The following ADSL variants were observed in gnomAD, a reference collection of about 807,000 sequenced individuals.
ADSL encodes adenylosuccinase.
Under a neutral mutation model 62.1 loss-of-function variants are expected in ADSL, and 44 were observed. That is an observed-to-expected ratio of 0.71 (90% CI 0.56 to 0.91). ADSL has a LOEUF of 0.91. ADSL is among the 40% of genes least tolerant of loss of function. The pLI is 0.00. For synonymous variants in ADSL, 198 were observed against 220.5 expected (o/e 0.90, Z 0.90); for missense variants, 531 against 627.4 (o/e 0.85, Z 1.64).
In ADSL at chr22:40,376,056, G is replaced by GA. The variant is rs375491013; in HGVS notation, c.89+9569dup. On this transcript the variant is annotated intron_variant, in intron 2 of 2. Coordinates refer to the ADSL transcript ENST00000498234. The stretch of plus-strand genomic sequence containing the variant: ...AGGGAGACCCTGTCTCAAAAAACTG[G>GA]AAAAAAAAAAACAAGATATGAAAGA... Among the ~76,000 whole-genome samples the GA allele has an allele frequency of 2.6e-3, 356 of 138,658 alleles. 1 individual carries two copies. The highest frequency in any genetic ancestry group is 3.8e-3 in the Middle Eastern group (1 of 264). The allele number at this position is 138,658 out of a possible 152,430, so 91.0% of individuals were successfully genotyped here.
chr22:40,386,907 A>G (rs1243851664), intron 2 of ADSL, among the ~76,000 whole-genome samples: 1 of 152,148 alleles, frequency 6.6e-6, no homozygotes, highest in Non-Finnish European at 1.5e-5. Context: ...CTCCTAATTT[A>G]TCTGTTTAAT....
intron 2 of ADSL, among the ~76,000 whole-genome samples, chr22:40,384,732 GAT>G (rs1277348481): frequency 1.3e-5 from 2 of 152,216 alleles, no homozygotes; most frequent in African/African-American, 4.8e-5. Context: ...AGTAAGCTGA[GAT>G]AGCGCCATTG....
intron 2 of ADSL, among the ~76,000 whole-genome samples, chr22:40,375,160 T>C (rs566282219): frequency 2.0e-5 from 3 of 152,352 alleles, no homozygotes; most frequent in Admixed American, 6.5e-5. Context: ...ATATTTCTGC[T>C]TTTTCTAAGT....
chr22:40,383,741 C>G (rs191991002), intron 2 of ADSL, among the ~76,000 whole-genome samples: 2 of 152,258 alleles, frequency 1.3e-5, no homozygotes, highest in Admixed American at 1.3e-4. Flanking sequence ...TCTATGGAAT[C>G]AGAGCTGTGC....
intron 2 of ADSL, among the ~76,000 whole-genome samples, chr22:40,386,037 G>GT (rs1056393605): frequency 1.2e-4 from 18 of 145,878 alleles, no homozygotes; most frequent in East Asian, 2.0e-4. Context: ...TTTTTTTTTT[G>GT]TTTTTTTTGT....
At chr22:40,353,213 C>T in intron 3 of ADSL, 96 bp downstream of exon 3, 2 of 938,754 alleles carry the variant, frequency 2.1e-6, no homozygotes, top group Non-Finnish European at 3.5e-6. Context: ...TAAATTTTTA[C>T]ATAGACTATC....
rs2045051459 is a variant in ADSL, at chr22:40,367,968, A to G, written c.*1446A>G. On this transcript the variant is annotated 3_prime_UTR_variant, in exon 13 of 13. Transcript: ENST00000623063. ...GTTGTCCAGTGCCCAAAAAGCCACC[A>G]GAGGCTTACTGCTCCGCACTCTTGG... 1 of 152,246 alleles carries G rather than the reference A, an allele frequency of 6.6e-6. No individual in the cohort carries two copies. The highest frequency in any genetic ancestry group is 1.5e-5 in the Non-Finnish European group (1 of 68,056). The allele number at this position is 152,246 out of a possible 1,614,324, so 9.4% of individuals were successfully genotyped here. A position where few individuals can be genotyped will look rare whatever the true frequency, so the allele number is the denominator to read the frequency against.
rs2044678451 is a variant in ADSL, at chr22:40,359,256, C to T, written c.655-4C>T. 1.2e-6 allele frequency: 2 copies of T among 1,613,976 alleles called. No homozygotes were observed. The highest frequency in any genetic ancestry group is 1.7e-6 in the Non-Finnish European group (2 of 1,179,954). ...ATTATAAGGATGTGTCTTTTCTTTC[C>T]AAGGTAGAGCAGCTTGACAAGATGG... On this transcript the variant is annotated splice_polypyrimidine_tract_variant and splice_region_variant and intron_variant, in intron 5 of 12. Coordinates refer to ENST00000623063, the MANE Select transcript of ADSL (RefSeq NM_000026.4).
intron 4 of ADSL, among the ~76,000 whole-genome samples, chr22:40,356,982 G>T (rs2044585550): frequency 3.9e-5 from 6 of 152,144 alleles, no homozygotes; most frequent in Admixed American, 3.9e-4. Context: ...TGCAGCCTCA[G>T]CTTCCCGGAT....
chr22:40,371,112 C>CT (rs2045365439), downstream of ADSL, among the ~76,000 whole-genome samples: 1 of 152,224 alleles, frequency 6.6e-6, no homozygotes, highest in African/African-American at 2.4e-5. Flanking sequence ...GCGGTTTTCC[C>CT]TTTAAGATTC....
Position 40,369,329 on chromosome 22 carries a change from C to G in ADSL, c.*2807C>G, listed in dbSNP as rs1442510622. ...TTTGTATTTACATACTTGTATGCAACTTTGTAATCTGATTTTCCCATGTAA... is the reference window on the plus strand; with the variant it reads ...TTTGTATTTACATACTTGTATGCAAGTTTGTAATCTGATTTTCCCATGTAA... On this transcript the variant is annotated 3_prime_UTR_variant, in exon 13 of 13. Transcript: ENST00000623063. The G allele has an allele frequency of 6.6e-6, 1 of 151,674 alleles. No homozygotes were observed. Among genetic ancestry groups the G allele is most frequent in the Non-Finnish European group, 1.5e-5 (1 of 67,964 alleles). 9.4% of individuals were successfully genotyped at this position (151,674 alleles called of 1,614,324 possible). A position where few individuals can be genotyped will look rare whatever the true frequency, so the allele number is the denominator to read the frequency against.
downstream of ADSL, among the ~76,000 whole-genome samples, chr22:40,373,953 A>T (rs1001659434): frequency 1.4e-5 from 2 of 144,006 alleles, no homozygotes; most frequent in African/African-American, 5.2e-5. Flanking sequence ...TATTTATTTT[A>T]TTTATTTATT....
intron 10 of ADSL, among the ~76,000 whole-genome samples, chr22:40,363,473 C>T (rs527812792): frequency 8.5e-5 from 13 of 152,266 alleles, no homozygotes; most frequent in African/African-American, 2.6e-4. Flanking sequence ...TGGTGGCTCA[C>T]GCCTGTAATT....
intron 2 of ADSL, among the ~76,000 whole-genome samples, chr22:40,351,430 C>A (rs577254316): frequency 3.9e-5 from 6 of 152,228 alleles, no homozygotes; most frequent in African/African-American, 1.2e-4. Flanking sequence ...CCTCAGCCCC[C>A]CAAAGTGCTG....
intron 5 of ADSL, 21 bp from the exon 6 acceptor site, chr22:40,359,239 G>C (rs1375231172): frequency 1.9e-6 from 3 of 1,613,572 alleles, no homozygotes; most frequent in Admixed American, 3.3e-5. Flanking sequence ...TTATTATAAG[G>C]ATGTGTCTTT....
chr22:40,382,212 A>C (rs984932817), intron 2 of ADSL, among the ~76,000 whole-genome samples: 9 of 152,202 alleles, frequency 5.9e-5, no homozygotes, highest in African/African-American at 1.9e-4. Flanking sequence ...AAATGGCATT[A>C]TGTTAACAGC....
rs1242511643 is a variant in ADSL at position 40,361,294 on chromosome 22, C to G, written c.814C>G (p.Leu272Val). Residue 272 changes from leucine (L) to valine (V), a missense_variant, in exon 8 of 13, where the codon CTG becomes GTG. Transcript: ENST00000623063. ...VHKICTDIRL[L>V]ANLKEMEEPF... ...CCAGATTTGCACCGACATACGCCTCCTGGCAAACCTCAAGGAGATGGAGGA... is the reference window on the plus strand; with the variant it reads ...CCAGATTTGCACCGACATACGCCTCGTGGCAAACCTCAAGGAGATGGAGGA... 2 of 1,614,078 alleles carry G rather than the reference C, an allele frequency of 1.2e-6. No homozygotes were observed. Among genetic ancestry groups the G allele is most frequent in the Non-Finnish European group, 1.7e-6 (2 of 1,180,048 alleles).
At position 40,361,603 on chromosome 22, in the gene ADSL, G is replaced by T. The variant is rs1224557562; in HGVS notation, c.978G>T (p.Trp326Cys). 6.2e-7 allele frequency: 1 copy of T among 1,614,050 alleles called. No individual in the cohort carries two copies. Among genetic ancestry groups the T allele is most frequent in the Non-Finnish European group, 8.5e-7 (1 of 1,180,052 alleles). ...CGCTACAGACAGCATCTGTCCAGTGGTTTGAACGCACACTGGATGATAGTG... is the reference window on the plus strand; with the variant it reads ...CGCTACAGACAGCATCTGTCCAGTGTTTTGAACGCACACTGGATGATAGTG... ...MDPLQTASVQ[W>C]FERTLDDSAN... is the part of the protein sequence containing the mutation. Residue 326 changes from tryptophan (W) to cysteine (C), a missense_variant, in exon 9 of 13, where the codon TGG becomes TGT. Transcript: ENST00000623063.
intron 6 of ADSL, 57 bp from the exon 7 acceptor site, chr22:40,360,345 A>G: frequency 7.0e-7 from 1 of 1,437,254 alleles, no homozygotes; most frequent in South Asian, 1.1e-5. Flanking sequence ...ACAGTCATGC[A>G]CCACTGCAAT....
Sources: allele counts gnomAD v4.1 joint callset (sites outside exome capture counted in the v4.1 genomes callset), GRCh38; gene constraint gnomAD v4.1.1; transcripts MANE v1.5; gene names NCBI Gene and HGNC (gene_info 2026-07-23, HGNC 2026-07-21).